Variants in TRNT1 observed in about 807,000 individuals in gnomAD.
TRNT1 encodes tRNA nucleotidyl transferase 1.
Under a neutral mutation model 45.6 loss-of-function variants are expected in TRNT1, and 44 were observed. That is an observed-to-expected ratio of 0.97 (90% CI 0.76 to 1.24). The LOEUF is 1.24. TRNT1 is among the 50% of genes most tolerant of loss of function. TRNT1 has a pLI of 0.00. For synonymous variants in TRNT1, 201 were observed against 171.4 expected, an observed-to-expected ratio of 1.17 and a Z score of -1.35; for missense variants, 633 against 504.4, an observed-to-expected ratio of 1.25 and a Z score of -2.44.
intron 4 of TRNT1, among the ~76,000 whole-genome samples, chr3:3,141,382 ATCTT>A (rs1462286611): frequency 6.6e-6 from 1 of 152,136 alleles, no homozygotes; most frequent in Non-Finnish European, 1.5e-5. Flanking sequence ...CCTTTGCACT[ATCTT>A]TCATGCATGT....
chr3:3,143,699 G>A (rs1242509305), intron 4 of TRNT1, among the ~76,000 whole-genome samples: 3 of 105,544 alleles, frequency 2.8e-5, no homozygotes, highest in Non-Finnish European at 7.8e-5. Flanking sequence ...CCCACTTGCC[G>A]AAACCCTGTC....
At chr3:3,130,543 C>G (rs1704953378) in intron 2 of TRNT1, 1 of 152,440 alleles carries the variant, frequency 6.6e-6, no homozygotes, top group African/African-American at 2.4e-5. Flanking sequence ...CGATGCTTCA[C>G]TATCTTTTTT....
At chr3:3,134,441 G>A (rs1705202709) in intron 2 of TRNT1, among the ~76,000 whole-genome samples, 1 of 152,162 alleles carries the variant, frequency 6.6e-6, no homozygotes. Context: ...AATCAAAATG[G>A]TGAATATATT....
At chr3:3,128,374 A>G (rs1358988064) in intron 1 of TRNT1, among the ~76,000 whole-genome samples, 1 of 152,176 alleles carries the variant, frequency 6.6e-6, no homozygotes, top group Admixed American at 6.5e-5. Context: ...AGGCGGGCAG[A>G]TCACTTGAGG....
chr3:3,129,906 GT>G (rs750144802), intron 2 of TRNT1: 1 of 1,550,610 alleles, frequency 6.4e-7, no homozygotes, highest in South Asian at 1.2e-5. Context: ...GCTAAGCTCT[GT>G]TTCCTTCCTA....
downstream of TRNT1, chr3:3,149,729 T>G (rs1268113152): frequency 1.3e-5 from 2 of 152,180 alleles, no homozygotes; most frequent in African/African-American, 4.8e-5. Context: ...AATTTTCATT[T>G]ACTCTATTTA....
chr3:3,146,717 G>A, intron 6 of TRNT1, 94 bp downstream of exon 6: 1 of 1,178,854 alleles, frequency 8.5e-7, no homozygotes, highest in Non-Finnish European at 1.2e-6. Context: ...TTTGGTTGAA[G>A]AATTCTTGGA....
chr3:3,132,714 A>AAAAAAC (rs1705082424), intron 2 of TRNT1, among the ~76,000 whole-genome samples: 2 of 141,660 alleles, frequency 1.4e-5, no homozygotes, highest in African/African-American at 5.4e-5. Flanking sequence ...ATAAAAAAAA[A>AAAAAAC]CATATACCTA....
chr3:3,127,226 C>G (rs961380271), intron 1 of TRNT1: 5 of 152,412 alleles, frequency 3.3e-5, no homozygotes, highest in Non-Finnish European at 7.3e-5. Context: ...GCACTTTCCC[C>G]TCCGCGCGGA....
rs1181059265 is a variant in TRNT1, at chr3:3,137,343, A to G, written c.232A>G (p.Ile78Val). The stretch of plus-strand genomic sequence containing the variant: ...ATTAAATGGAGTAAAGCCTCAGGAT[A>G]TAGATTTTGCCACCACTGCTACCCC... Reference protein sequence around the residue: ...DLLNGVKPQDIDFATTATPTQ... With the variant: ...DLLNGVKPQDVDFATTATPTQ... The change falls in exon 3 of 8, where the codon ATA becomes GTA. Residue 78 changes from isoleucine (I) to valine (V), a missense_variant. By Grantham distance (29) the Ile-to-Val change is conservative. Transcript: ENST00000251607. 1 of 1,614,092 alleles carries G rather than the reference A, an allele frequency of 6.2e-7. No homozygotes were observed. The highest frequency in any genetic ancestry group is 1.1e-5 in the South Asian group (1 of 91,082).
intron 2 of TRNT1, 108 bp downstream of exon 2, chr3:3,129,296 T>G: frequency 9.3e-7 from 1 of 1,080,412 alleles, no homozygotes; most frequent in Non-Finnish European, 1.3e-6. Context: ...GTTTTAATTA[T>G]TTTTATTAAA....
Position 3,140,510 on chromosome 3 carries a change from C to A in TRNT1, c.343C>A (p.Leu115Ile). 6.2e-7 allele frequency: 1 copy of A among 1,611,376 alleles called. No individual in the cohort carries two copies. Among genetic ancestry groups the A allele is most frequent in the African/African-American group, 1.3e-5 (1 of 74,964 alleles). Residue 115 changes from leucine to isoleucine, a missense_variant and splice_region_variant, in exon 4 of 8, where the codon CTT becomes ATT. Physicochemically the swap from Leu to Ile is conservative, Grantham distance 5. Coordinates refer to ENST00000251607, the MANE Select transcript of TRNT1 (RefSeq NM_182916.3). The part of the protein sequence containing the change: ...GEKHGTITAR[L>I]HEENFEITTL... The stretch of plus-strand genomic sequence containing the variant: ...AAAAACCCCATGTATTTAATTGCAG[C>A]TTCATGAAGAAAATTTTGAGATTAC...
At chr3:3,139,629 T>TC (rs371112924) in intron 3 of TRNT1, among the ~76,000 whole-genome samples, 6 of 152,218 alleles carry the variant, frequency 3.9e-5, no homozygotes, top group African/African-American at 1.4e-4. Context: ...TGCTGCTTTT[T>TC]CAAGGCTTGG....
intron 2 of TRNT1, among the ~76,000 whole-genome samples, chr3:3,134,230 C>T (rs1362503506): frequency 6.6e-6 from 1 of 152,112 alleles, no homozygotes; most frequent in African/African-American, 2.4e-5. Flanking sequence ...TTGAAGATAT[C>T]AGTAACAGGA....
At chr3:3,128,899 A>G (rs1301851203) in intron 1 of TRNT1, 115 bp from the exon 2 acceptor site, 3 of 820,100 alleles carry the variant, frequency 3.7e-6, no homozygotes, top group East Asian at 2.5e-5. Context: ...CAGTTTTTTC[A>G]TCTGAACAAG....
At chr3:3,142,362 C>T (rs970523838) in intron 4 of TRNT1, among the ~76,000 whole-genome samples, 9 of 152,168 alleles carry the variant, frequency 5.9e-5, no homozygotes, top group African/African-American at 2.2e-4. Flanking sequence ...GACAACCCTG[C>T]GAAGCAGATA....
At chr3:3,150,110 T>C (rs544699708), downstream of TRNT1, 1 of 152,276 alleles carries the variant, frequency 6.6e-6, no homozygotes, top group South Asian at 2.1e-4. Flanking sequence ...AGGGGACATG[T>C]TTTGGCATCT....
intron 3 of TRNT1, among the ~76,000 whole-genome samples, chr3:3,139,567 C>G (rs975988300): frequency 2.0e-5 from 3 of 152,166 alleles, no homozygotes. Flanking sequence ...TGCCTTTGGT[C>G]ATCTCTTCTC....
chr3:3,152,306 C>A, downstream of TRNT1: 1 of 810,476 alleles, frequency 1.2e-6, no homozygotes, highest in South Asian at 1.7e-5. Context: ...ACCCCTGCCC[C>A]CATACCCGGC....
Sources: allele counts gnomAD v4.1 joint callset (sites outside exome capture counted in the v4.1 genomes callset), GRCh38; gene constraint gnomAD v4.1.1; transcripts MANE v1.5; gene names NCBI Gene and HGNC (gene_info 2026-07-23, HGNC 2026-07-21).